Variants in SRGAP2B observed in about 807,000 individuals in gnomAD.
The protein encoded by SRGAP2B is SLIT-ROBO Rho GTPase-activating protein 2B.
Under a neutral mutation model 22.2 loss-of-function variants are expected in SRGAP2B, and 9 were observed. The observed-to-expected ratio is 0.41, with a 90% CI of 0.24 to 0.71. The LOEUF (loss-of-function observed/expected upper bound fraction) is 0.71. Among genes scored for constraint, SRGAP2B ranks in the 30% least tolerant of loss-of-function variants. The pLI, the probability that SRGAP2B is intolerant of heterozygous loss-of-function variation, is 0.35. For synonymous variants in SRGAP2B, 36 were observed against 87.4 expected, an observed-to-expected ratio of 0.41 and a Z score of 3.28; for missense variants, 114 against 235.8, an observed-to-expected ratio of 0.48 and a Z score of 3.38.
chr1:145,036,407 A>G (rs1310386241), intron 2 of SRGAP2B, among the ~76,000 whole-genome samples: 1 of 135,850 alleles, frequency 7.4e-6, no homozygotes, highest in African/African-American at 3.0e-5. Context: ...CCTTTGCTCC[A>G]AAACTATCAT....
intron 4 of SRGAP2B, among the ~76,000 whole-genome samples, chr1:144,924,731 C>CAAAAAA (rs1156257790): frequency 3.4e-5 from 2 of 58,198 alleles, no homozygotes; most frequent in Admixed American, 1.8e-4. Context: ...AACTCCGTCT[C>CAAAAAA]AAAAAAAAAA....
intron 3 of SRGAP2B, among the ~76,000 whole-genome samples, chr1:144,984,332 AAACAACAACAAC>A (rs1202934958): frequency 1.7e-5 from 2 of 118,446 alleles, no homozygotes; most frequent in African/African-American, 3.3e-5. Flanking sequence ...AAAAAAACCC[AAACAACAACAAC>A]AACAACAACA....
chr1:144,910,278 T>A (rs1211548629), intron 5 of SRGAP2B, among the ~76,000 whole-genome samples: 1 of 150,326 alleles, frequency 6.7e-6, no homozygotes, highest in African/African-American at 2.5e-5. Context: ...TGTGTAGACA[T>A]GTAAATGAGT....
intron 3 of SRGAP2B, among the ~76,000 whole-genome samples, chr1:144,973,065 G>A (rs1250526364): frequency 7.7e-5 from 11 of 143,724 alleles, no homozygotes; most frequent in South Asian, 2.2e-4. Flanking sequence ...CCAAGATGGC[G>A]CCATTACACT....
At chr1:144,942,201 G>T (rs587641148) in intron 4 of SRGAP2B, among the ~76,000 whole-genome samples, 1 of 143,930 alleles carries the variant, frequency 6.9e-6, no homozygotes. Flanking sequence ...ACAGTCCCTA[G>T]GCATGGTTAG....
chr1:144,992,304 G>A (rs1553617398), intron 3 of SRGAP2B, among the ~76,000 whole-genome samples: 1 of 151,018 alleles, frequency 6.6e-6, no homozygotes, highest in Non-Finnish European at 1.5e-5. Context: ...CTTGAAGTCA[G>A]TGAGACCAAG....
At chr1:145,084,929 T>C (rs1653270330) in intron 2 of SRGAP2B, among the ~76,000 whole-genome samples, 1 of 151,074 alleles carries the variant, frequency 6.6e-6, no homozygotes, top group South Asian at 2.1e-4. Flanking sequence ...TCAGGCCAGA[T>C]CTATTTTTTC....
intron 2 of SRGAP2B, among the ~76,000 whole-genome samples, chr1:145,088,929 CAAT>C (rs1433515067): frequency 6.8e-6 from 1 of 146,874 alleles, no homozygotes; most frequent in African/African-American, 2.5e-5. Flanking sequence ...AAAAAAAAAA[CAAT>C]AAAAATACCA....
chr1:144,997,424 C>T (rs1205862715), intron 2 of SRGAP2B, among the ~76,000 whole-genome samples: 1 of 150,506 alleles, frequency 6.6e-6, no homozygotes, highest in East Asian at 1.9e-4. Context: ...GAGCAAGACT[C>T]CGTCTCAAAC....
chr1:144,922,549 C>T lies in SRGAP2B; in HGVS notation c.424-7795G>A, dbSNP rs1261133868. Among the ~76,000 whole-genome samples the T allele has an allele frequency of 8.2e-4, 123 of 150,296 alleles. 6 individuals carry two copies. Among genetic ancestry groups the T allele is most frequent in the Middle Eastern group, 3.4e-3 (1 of 292 alleles). On this transcript the variant is annotated intron_variant, in intron 4 of 9. Coordinates refer to ENST00000612199, the Ensembl canonical transcript of SRGAP2B. Reference sequence around the variant, plus strand: ...AAACAAAAAAACAAAACTCCCAAAACGAAACAAAGAAAGATGATAAAAAGT... The same window carrying T: ...AAACAAAAAAACAAAACTCCCAAAATGAAACAAAGAAAGATGATAAAAAGT...
chr1:144,924,585 A>T (rs1387034501), intron 4 of SRGAP2B, among the ~76,000 whole-genome samples: 1 of 151,428 alleles, frequency 6.6e-6, no homozygotes, highest in Non-Finnish European at 1.5e-5. Context: ...AAAAAAAGTT[A>T]GCCGGGCGTA....
intron 4 of SRGAP2B, among the ~76,000 whole-genome samples, chr1:144,932,913 TCAAAAC>T (rs1665310406): frequency 8.9e-6 from 1 of 112,286 alleles, no homozygotes; most frequent in East Asian, 2.4e-4. Context: ...GAAGAGAATG[TCAAAAC>T]TGCGGTAGGG....
intron 2 of SRGAP2B, among the ~76,000 whole-genome samples, chr1:145,023,190 T>G (rs1207322336): frequency 5.8e-5 from 8 of 137,940 alleles, no homozygotes; most frequent in Non-Finnish European, 9.5e-5. Flanking sequence ...AATTTAAATT[T>G]AAAAAATTAA....
chr1:144,994,551 A>AGT (rs1217534528), intron 3 of SRGAP2B, among the ~76,000 whole-genome samples: 9,599 of 116,694 alleles, frequency 0.082, 492 homozygotes, highest in South Asian at 0.13. Flanking sequence ...TGTGAGTGTG[A>AGT]GTGTGTGTGT....
chr1:145,016,996 G>A (rs1242832488), intron 2 of SRGAP2B, among the ~76,000 whole-genome samples: 6 of 140,280 alleles, frequency 4.3e-5, no homozygotes, highest in Non-Finnish European at 7.6e-5. Context: ...GTCTTGCTTT[G>A]TCACCCAGGC....
At chr1:145,084,535 A>G (rs1553635159) in intron 2 of SRGAP2B, among the ~76,000 whole-genome samples, 3 of 149,446 alleles carry the variant, frequency 2.0e-5, no homozygotes, top group South Asian at 4.4e-4. Flanking sequence ...TCTTTTTCCT[A>G]AAGTTGGAGT....
At chr1:145,017,052 T>A (rs71248722) in intron 2 of SRGAP2B, among the ~76,000 whole-genome samples, 1 of 137,904 alleles carries the variant, frequency 7.3e-6, no homozygotes, top group Non-Finnish European at 1.5e-5. Context: ...CTCCACCTCC[T>A]GGGCTCAAGC....
At chr1:144,966,900 T>A (rs372767710) in intron 3 of SRGAP2B, among the ~76,000 whole-genome samples, 1 of 146,918 alleles carries the variant, frequency 6.8e-6, no homozygotes, top group African/African-American at 2.7e-5. Context: ...AAGAAGGCCA[T>A]TACATAATGG....
chr1:144,899,624 TA>T (rs1392063853), intron 7 of SRGAP2B, among the ~76,000 whole-genome samples: 2 of 139,180 alleles, frequency 1.4e-5, no homozygotes, highest in African/African-American at 5.5e-5. Context: ...ACTCTCTGTT[TA>T]GGGTAGAGTA....
Sources: allele counts gnomAD v4.1 joint callset (sites outside exome capture counted in the v4.1 genomes callset), GRCh38; gene constraint gnomAD v4.1.1; transcripts MANE v1.5; gene names NCBI Gene and HGNC (gene_info 2026-07-23, HGNC 2026-07-21).